Variants in VPS13A observed in about 807,000 individuals in gnomAD.
VPS13A encodes the protein intermembrane lipid transfer protein VPS13A.
VPS13A carries 264 observed loss-of-function variants against 390.9 expected under a neutral mutation model. The observed-to-expected ratio is 0.68, with a 90% CI of 0.61 to 0.75. VPS13A has a LOEUF of 0.75. VPS13A is among the 30% of genes least tolerant of loss of function. The pLI is 0.00. For synonymous variants in VPS13A, 1,231 were observed against 1,227.1 expected, an observed-to-expected ratio of 1.00 and a Z score of -0.07; for missense variants, 3,409 against 3,733.9, an observed-to-expected ratio of 0.91 and a Z score of 2.27.
At position 77,227,457 on chromosome 9, in the gene VPS13A, C is replaced by A. The variant is rs1212656977; in HGVS notation, c.1424C>A (p.Thr475Lys). The A allele has an allele frequency of 6.2e-7, 1 of 1,613,384 alleles. No individual in the cohort carries two copies. Among genetic ancestry groups the A allele is most frequent in the Admixed American group, 1.7e-5 (1 of 59,972 alleles). The change falls in exon 16 of 72, where the codon ACA (threonine) becomes AAA (lysine). Residue 475 changes from threonine (T) to lysine (K), a missense_variant. This residue lies in a region of VPS13A where 2,717 missense variants were observed against 2,917.4 expected (regional missense o/e 0.93). Transcript: ENST00000360280. Reference protein sequence around the residue: ...LLYEAIGYSETAVDPTLLKTF... With the variant: ...LLYEAIGYSEKAVDPTLLKTF... ...TATGAAGCAATTGGCTATAGTGAAA[C>A]AGCAGTTGATCCAACTTTACTAAAA...
chr9:77,332,345 A>G (rs529824148), intron 46 of VPS13A, among the ~76,000 whole-genome samples: 11 of 152,148 alleles, frequency 7.2e-5, no homozygotes, highest in African/African-American at 2.2e-4. Context: ...TTTGATTGCA[A>G]TATAACCGTC....
chr9:77,249,629 T>G (rs544692006), intron 20 of VPS13A, among the ~76,000 whole-genome samples: 12 of 152,188 alleles, frequency 7.9e-5, no homozygotes, highest in Non-Finnish European at 1.8e-4. Flanking sequence ...AAAGGAGAGA[T>G]ACAAATATAA....
Position 77,370,438 on chromosome 9 carries a change from A to G in VPS13A, c.8767A>G (p.Lys2923Glu). The part of the protein sequence containing the change: ...AVGGLAGAAS[K>E]ITGAMAKGVA... Reference sequence around the variant, plus strand: ...AGGTGGATTGGCTGGTGCTGCCTCCAAAATCACCGGTGCTATGGCTAAGGG... The same window carrying G: ...AGGTGGATTGGCTGGTGCTGCCTCCGAAATCACCGGTGCTATGGCTAAGGG... Residue 2923 changes from lysine (K) to glutamate (E), a missense_variant, in exon 65 of 72, where the codon AAA (lysine) becomes GAA (glutamate). Physicochemically the swap from Lys to Glu is moderately conservative, Grantham distance 56. This residue lies in a region of VPS13A where 318 missense variants were observed against 333.7 expected (regional missense o/e 0.95). Coordinates refer to ENST00000360280, the MANE Select transcript of VPS13A (RefSeq NM_033305.3). The G allele has an allele frequency of 6.2e-7, 1 of 1,614,192 alleles. No individual in the cohort carries two copies. The highest frequency in any genetic ancestry group is 8.5e-7 in the Non-Finnish European group (1 of 1,180,028).
intron 68 of VPS13A, among the ~76,000 whole-genome samples, chr9:77,383,594 G>A (rs1186991560): frequency 1.3e-5 from 2 of 152,108 alleles, no homozygotes; most frequent in Non-Finnish European, 1.5e-5. Flanking sequence ...AAGTGAGCAC[G>A]TTATGATACC....
At chr9:77,323,983 T>C (rs1423910385) in intron 45 of VPS13A, among the ~76,000 whole-genome samples, 2 of 152,128 alleles carry the variant, frequency 1.3e-5, no homozygotes, top group African/African-American at 4.8e-5. Context: ...GCTTTTTTTT[T>C]CACCATATGG....
Position 77,314,027 on chromosome 9 carries a change from C to T in VPS13A, c.4150C>T (p.His1384Tyr). 6.2e-7 allele frequency: 1 copy of T among 1,613,298 alleles called. No homozygotes were observed. The change falls in exon 36 of 72, where the codon CAT (histidine) becomes TAT (tyrosine). Residue 1384 changes from histidine to tyrosine, a missense_variant. His to Tyr is a moderately conservative substitution (Grantham distance 83). Transcript: ENST00000360280. ...GGTGACAGCTGCTGTGGTAGAAGTA[C>T]ATTCACGTGCCTTACTAGTTAAGAC... is the stretch of plus-strand genomic sequence containing the variant. ...TVVTAAVVEV[H>Y]SRALLVKTTL... is the part of the protein sequence containing the mutation.
intron 26 of VPS13A, among the ~76,000 whole-genome samples, chr9:77,277,778 T>C (rs7865990): frequency 0.012 from 1,843 of 152,332 alleles, 36 homozygotes; most frequent in African/African-American, 0.042. Flanking sequence ...AATGATATTC[T>C]CTTGTCTGGA....
chr9:77,213,046 T>G lies in VPS13A; in HGVS notation c.615+18T>G, dbSNP rs1826057473. On this transcript the variant is annotated intron_variant, in intron 8 of 71. Coordinates refer to ENST00000360280, the MANE Select transcript of VPS13A (RefSeq NM_033305.3). ...TTCGTAAGGTAAATAAATACTGTGT[T>G]TGTCAACTCATGGACTTAAGAGAAT... 1.2e-6 allele frequency: 2 copies of G among 1,613,594 alleles called. No individual in the cohort carries two copies. Among genetic ancestry groups the G allele is most frequent in the Non-Finnish European group, 1.7e-6 (2 of 1,179,656 alleles).
chr9:77,327,200 T>C (rs1205949027), intron 45 of VPS13A, among the ~76,000 whole-genome samples: 8 of 152,214 alleles, frequency 5.3e-5, no homozygotes, highest in Admixed American at 5.2e-4. Context: ...TTCTTCCTGC[T>C]TTTTAGTTGA....
At position 77,335,984 on chromosome 9, in the gene VPS13A, A is replaced by G. The variant is rs184071815; in HGVS notation, c.6096-1271A>G. On this transcript the variant is annotated intron_variant, in intron 46 of 71. Transcript: ENST00000360280. ...ATGCCCATCAATGATAGACTGGATAAAGGAAATGTGGCACGTATACAGCAT... is the reference window on the plus strand; with the variant it reads ...ATGCCCATCAATGATAGACTGGATAGAGGAAATGTGGCACGTATACAGCAT... Among the ~76,000 whole-genome samples, 12 of 152,344 alleles carry G rather than the reference A, an allele frequency of 7.9e-5. No homozygotes were observed. In the East Asian group the frequency reaches 1.5e-3, roughly 20 times the overall value.
At chr9:77,276,015 A>C (rs1322002060) in intron 25 of VPS13A, 50 bp from the exon 26 acceptor site, 1 of 1,584,026 alleles carries the variant, frequency 6.3e-7, no homozygotes, top group East Asian at 2.2e-5. Flanking sequence ...ATGCACATAA[A>C]CATGTTTTTG....
In VPS13A at chr9:77,328,243, C is replaced by A. The variant is rs1435837633; in HGVS notation, c.5992-3767C>A. On this transcript the variant is annotated intron_variant, in intron 45 of 71. Transcript: ENST00000360280. ...GTAGCATTTTGAAAGGATTTTTTTT[C>A]CCTGAGAATAGGTCTCAGTAGTGGG... 2.0e-5 allele frequency among the ~76,000 whole-genome samples: 3 copies of A among 152,052 alleles called. No individual in the cohort carries two copies. The East Asian group carries it at 5.8e-4, about 29-fold the overall frequency.
In VPS13A at chr9:77,337,448, G is replaced by A; in HGVS notation, c.6289G>A (p.Asp2097Asn). The A allele has an allele frequency of 2.5e-6, 4 of 1,613,336 alleles. No individual in the cohort carries two copies. The highest frequency in any genetic ancestry group is 2.2e-5 in the South Asian group (2 of 91,028). The change falls in exon 47 of 72, where the codon GAT (aspartate) becomes AAT (asparagine). Residue 2097 changes from aspartate to asparagine, a missense_variant. Asp to Asn is a conservative substitution (Grantham distance 23). Around this residue, in one of 5 missense-constraint regions of VPS13A, gnomAD observed 2,717 missense variants for 2,917.4 expected, o/e 0.93. Transcript: ENST00000360280. Reference protein sequence around the residue: ...NLTSLSVYSEDGWDLPYIMHL... With the variant: ...NLTSLSVYSENGWDLPYIMHL... ...AACATCTCTATCAGTGTATTCAGAA[G>A]ATGGTTGGGATTTACCATACATAAT...
intron 1 of VPS13A, among the ~76,000 whole-genome samples, chr9:77,179,525 G>T (rs1287979408): frequency 6.6e-6 from 1 of 152,100 alleles, no homozygotes; most frequent in Non-Finnish European, 1.5e-5. Context: ...CACTGCGCCC[G>T]CCTGACTGTA....
chr9:77,381,064 G>C (rs1833405395), intron 67 of VPS13A, among the ~76,000 whole-genome samples: 1 of 152,190 alleles, frequency 6.6e-6, no homozygotes. Flanking sequence ...CAAATTGAGT[G>C]GTCACTTATG....
chr9:77,358,272 A>T, intron 56 of VPS13A, 85 bp from the exon 57 acceptor site: 1 of 1,254,846 alleles, frequency 8.0e-7, no homozygotes, highest in Admixed American at 1.8e-5. Flanking sequence ...AGACTTTTTG[A>T]TTCTTTTTGT....
Position 77,323,161 on chromosome 9 carries a change from A to T in VPS13A, c.5925A>T (p.Arg1975Ser), listed in dbSNP as rs1215541272. The T allele has an allele frequency of 6.2e-7, 1 of 1,613,610 alleles. No homozygotes were observed. Among genetic ancestry groups the T allele is most frequent in the South Asian group, 1.1e-5 (1 of 91,074 alleles). Reference sequence around the variant, plus strand: ...GACACAGAGAGTCTGGCGTTGAAAGATCTATTGTTTGTCAAATTGATACAG... The same window carrying T: ...GACACAGAGAGTCTGGCGTTGAAAGTTCTATTGTTTGTCAAATTGATACAG... ...TVRHRESGVE[R>S]SIVCQIDTVE... The change falls in exon 45 of 72, where the codon AGA (arginine) becomes AGT (serine). Residue 1975 changes from arginine (R) to serine (S), a missense_variant. Transcript: ENST00000360280.
intron 26 of VPS13A, among the ~76,000 whole-genome samples, chr9:77,278,316 GC>G (rs1826815401): frequency 7.0e-6 from 1 of 143,414 alleles, no homozygotes. Context: ...CTCGTGATCC[GC>G]CCGCCTTGGC....
At chr9:77,359,121 A>G (rs1831986351) in intron 57 of VPS13A, among the ~76,000 whole-genome samples, 2 of 152,232 alleles carry the variant, frequency 1.3e-5, no homozygotes, top group Non-Finnish European at 2.9e-5. Flanking sequence ...TAATTGTAGA[A>G]TTAGTTATCT....
Sources: allele counts gnomAD v4.1 joint callset (sites outside exome capture counted in the v4.1 genomes callset), GRCh38; gene constraint gnomAD v4.1.1; regional missense constraint gnomAD v4.1.1; transcripts MANE v1.5; gene names NCBI Gene and HGNC (gene_info 2026-07-23, HGNC 2026-07-21).